WARS2: variants seen among roughly 807,000 people sequenced by gnomAD.
WARS2 encodes tryptophan--tRNA ligase, mitochondrial.
Under a neutral mutation model 36.5 loss-of-function variants are expected in WARS2, and 28 were observed. The ratio of observed to expected loss-of-function variants is 0.77; its 90% CI spans 0.57 to 1.05. The LOEUF is 1.05. Among genes scored for constraint, WARS2 ranks in the 50% least tolerant of loss-of-function variants. The probability of loss-of-function intolerance (pLI) is 0.00; values close to 1 mark genes in which losing one functional copy is unlikely to be tolerated. For synonymous variants in WARS2, 174 were observed against 178.4 expected, an observed-to-expected ratio of 0.98 and a Z score of 0.20; for missense variants, 435 against 456.8, an observed-to-expected ratio of 0.95 and a Z score of 0.44.
intron 1 of WARS2, among the ~76,000 whole-genome samples, chr1:119,098,594 C>A (rs909425406): frequency 6.6e-6 from 1 of 151,248 alleles, no homozygotes; most frequent in Non-Finnish European, 1.5e-5. Flanking sequence ...CCCGCCATCA[C>A]GCGCAGCTAA....
chr1:119,037,137 TTC>T (rs1210966364), intron 4 of WARS2, among the ~76,000 whole-genome samples: 1 of 152,224 alleles, frequency 6.6e-6, no homozygotes, highest in African/African-American at 2.4e-5. Context: ...TTCTCTTTTT[TTC>T]TGTTTTCCTT....
chr1:119,100,290 A>G (rs1653763345), intron 1 of WARS2, among the ~76,000 whole-genome samples: 1 of 152,200 alleles, frequency 6.6e-6, no homozygotes, highest in African/African-American at 2.4e-5. Context: ...GTAGAAAATA[A>G]TGGATGTTGG....
intron 1 of WARS2, among the ~76,000 whole-genome samples, chr1:119,104,830 T>G (rs1654122741): frequency 6.7e-6 from 1 of 148,836 alleles, no homozygotes; most frequent in African/African-American, 2.5e-5. Flanking sequence ...AGTGATCAAG[T>G]GATCACAGGA....
rs1653280536 is a variant in WARS2, at chr1:119,094,535, CT to C, written c.91-17929del. ...ATGTCTTTAAATTTTCTTTGAAGCTCTTTATAAAAACTTCTAAAAAATAAAT... is the reference window on the plus strand; with the variant it reads ...ATGTCTTTAAATTTTCTTTGAAGCTCTTATAAAAACTTCTAAAAAATAAAT... On this transcript the variant is annotated intron_variant, in intron 1 of 5. Transcript: ENST00000235521. Among the ~76,000 whole-genome samples the C allele has an allele frequency of 2.6e-5, 4 of 151,512 alleles. No homozygotes were observed. The South Asian group carries it at 8.3e-4, about 31-fold the overall frequency.
At chr1:119,127,058 T>TTCA in intron 1 of WARS2, 1 of 761,580 alleles carries the variant, frequency 1.3e-6, no homozygotes, top group Non-Finnish European at 2.4e-6. Context: ...TAAATGCAAC[T>TTCA]TCATCATTCT....
intron 1 of WARS2, among the ~76,000 whole-genome samples, chr1:119,106,634 T>A (rs587729458): frequency 6.6e-6 from 1 of 152,332 alleles, no homozygotes; most frequent in Non-Finnish European, 1.5e-5. Flanking sequence ...TATCTTTTCA[T>A]AGCTTGATAG....
intron 1 of WARS2, chr1:119,086,005 T>G (rs1571338178): frequency 6.3e-7 from 1 of 1,584,604 alleles, no homozygotes; most frequent in East Asian, 2.2e-5. Context: ...GGCAAGGCAG[T>G]GTGGCACATA....
At chr1:119,119,233 TC>T (rs1480885050) in intron 1 of WARS2, among the ~76,000 whole-genome samples, 3 of 151,940 alleles carry the variant, frequency 2.0e-5, no homozygotes, top group African/African-American at 7.2e-5. Context: ...AAAAAGATAT[TC>T]CATGCAAATG....
At chr1:119,066,080 C>T (rs1451140345) in intron 2 of WARS2, among the ~76,000 whole-genome samples, 2 of 152,070 alleles carry the variant, frequency 1.3e-5, no homozygotes, top group Non-Finnish European at 2.9e-5. Context: ...TAAAAACATA[C>T]TCCAGAAGCA....
chr1:119,129,463 C>G (rs1394310923), intron 1 of WARS2, among the ~76,000 whole-genome samples: 3 of 152,162 alleles, frequency 2.0e-5, no homozygotes, highest in Non-Finnish European at 1.5e-5. Context: ...AATCTCAACA[C>G]TTTGGGAGGC....
chr1:119,085,052 G>C (rs1441978024), intron 1 of WARS2: 9 of 700,880 alleles, frequency 1.3e-5, no homozygotes, highest in African/African-American at 3.5e-5. Context: ...GGCAGCGCTG[G>C]GTCCTTTTAT....
At chr1:119,046,285 GTTT>G (rs71070781) in intron 2 of WARS2, among the ~76,000 whole-genome samples, 15,787 of 101,252 alleles carry the variant, frequency 0.16, 954 homozygotes, top group East Asian at 0.33. Flanking sequence ...CTCCTTTTCT[GTTT>G]TTTTTTTTTT....
At chr1:119,034,949 T>C (rs189375873) in intron 4 of WARS2, among the ~76,000 whole-genome samples, 5 of 152,280 alleles carry the variant, frequency 3.3e-5, no homozygotes, top group Admixed American at 3.3e-4. Context: ...CCCAAATTTG[T>C]AATTGTAGCT....
intron 1 of WARS2, chr1:119,139,579 A>AAC (rs1656785988): frequency 6.6e-6 from 1 of 152,238 alleles, no homozygotes. Context: ...TGGCAGACCA[A>AAC]ACCCTTGACC....
At chr1:119,074,868 A>C (rs113234802) in intron 2 of WARS2, among the ~76,000 whole-genome samples, 8 of 152,294 alleles carry the variant, frequency 5.3e-5, no homozygotes, top group South Asian at 2.1e-4. Flanking sequence ...ACAGGCCATT[A>C]CCCTAAGTGA....
chr1:119,115,376 A>G (rs1220475745), intron 1 of WARS2, among the ~76,000 whole-genome samples: 1 of 152,162 alleles, frequency 6.6e-6, no homozygotes, highest in Non-Finnish European at 1.5e-5. Flanking sequence ...GCTGGGATAT[A>G]TATTGTCACT....
At chr1:119,132,241 C>G (rs1425576222) in intron 1 of WARS2, among the ~76,000 whole-genome samples, 1 of 152,176 alleles carries the variant, frequency 6.6e-6, no homozygotes, top group Non-Finnish European at 1.5e-5. Flanking sequence ...TACTTTCCCC[C>G]ACTTCCTCTT....
intron 1 of WARS2, chr1:119,086,014 T>C (rs2101378628): frequency 6.5e-7 from 1 of 1,550,068 alleles, no homozygotes. Flanking sequence ...GTGTGGCACA[T>C]ACCCTGGCTA....
chr1:119,057,604 A>G (rs1411582591), intron 2 of WARS2, among the ~76,000 whole-genome samples: 2 of 148,414 alleles, frequency 1.3e-5, no homozygotes, highest in African/African-American at 4.9e-5. Context: ...AGCCTGGCCA[A>G]TGTGGTGAAA....
Sources: allele counts gnomAD v4.1 joint callset (sites outside exome capture counted in the v4.1 genomes callset), GRCh38; gene constraint gnomAD v4.1.1; transcripts MANE v1.5; gene names NCBI Gene and HGNC (gene_info 2026-07-23, HGNC 2026-07-21).